OSBPL10: variants seen among roughly 807,000 people sequenced by gnomAD.
OSBPL10 encodes the protein oxysterol-binding protein-related protein 10.
OSBPL10 carries 49 observed loss-of-function variants against 81.7 expected under a neutral mutation model. The ratio of observed to expected loss-of-function variants is 0.60; its 90% CI spans 0.48 to 0.76. OSBPL10 has a LOEUF of 0.76. Ranked by LOEUF, OSBPL10 falls within the 30% of genes least tolerant of loss-of-function variation. OSBPL10 has a pLI of 0.00. For synonymous variants in OSBPL10, 419 were observed against 383.6 expected, an observed-to-expected ratio of 1.09 and a Z score of -1.08; for missense variants, 923 against 987.8, an observed-to-expected ratio of 0.93 and a Z score of 0.88.
At chr3:31,732,746 C>CA (rs150273828) in intron 6 of OSBPL10, 1,955 of 164,478 alleles carry the variant, frequency 0.012, 33 homozygotes, top group East Asian at 0.041. Flanking sequence ...CCTGACGAGG[C>CA]AGTGCATATC....
intron 2 of OSBPL10, among the ~76,000 whole-genome samples, chr3:32,034,615 C>T (rs900391611): frequency 2.0e-5 from 3 of 152,148 alleles, no homozygotes; most frequent in African/African-American, 4.8e-5. Context: ...CATCACAGTG[C>T]TTTCCAAGAA....
At chr3:31,997,783 G>A (rs2125528594) in intron 2 of OSBPL10, among the ~76,000 whole-genome samples, 1 of 151,880 alleles carries the variant, frequency 6.6e-6, no homozygotes. Flanking sequence ...TTTTTGTTTT[G>A]TTTTGTTTTT....
chr3:31,734,607 A>C (rs1353380654), intron 5 of OSBPL10, among the ~76,000 whole-genome samples: 4 of 152,100 alleles, frequency 2.6e-5, no homozygotes, highest in African/African-American at 9.7e-5. Context: ...GTGTGGTGAC[A>C]CAAGCCTGTA....
intron 2 of OSBPL10, chr3:31,988,519 G>A (rs1053538046): frequency 6.5e-6 from 1 of 154,660 alleles, no homozygotes; most frequent in Non-Finnish European, 1.4e-5. Flanking sequence ...GATGAATTTA[G>A]TGACTCACTT....
intron 2 of OSBPL10, among the ~76,000 whole-genome samples, chr3:32,020,731 G>T (rs1179430669): frequency 2.0e-5 from 3 of 151,806 alleles, no homozygotes; most frequent in South Asian, 4.2e-4. Flanking sequence ...AAAAAAAGAA[G>T]ACCTGGGATT....
At chr3:31,783,229 C>T (rs930979271) in intron 4 of OSBPL10, among the ~76,000 whole-genome samples, 2 of 149,620 alleles carry the variant, frequency 1.3e-5, no homozygotes, top group African/African-American at 5.0e-5. Context: ...AGTTGGAGAC[C>T]ATTATTCTAA....
At chr3:31,836,581 T>A (rs949042312) in intron 3 of OSBPL10, among the ~76,000 whole-genome samples, 1 of 136,554 alleles carries the variant, frequency 7.3e-6, no homozygotes, top group African/African-American at 2.7e-5. Flanking sequence ...TGACTCTTCC[T>A]TAACAGTTAA....
At chr3:31,756,222 T>C (rs1321476801) in intron 4 of OSBPL10, among the ~76,000 whole-genome samples, 2 of 152,208 alleles carry the variant, frequency 1.3e-5, no homozygotes, top group African/African-American at 4.8e-5. Context: ...CTTTACACTC[T>C]GACACATGCT....
chr3:32,059,737 G>A (rs559341898), intron 1 of OSBPL10, among the ~76,000 whole-genome samples: 1 of 151,686 alleles, frequency 6.6e-6, no homozygotes, highest in Non-Finnish European at 1.5e-5. Context: ...GGGCAACACA[G>A]TGAGATCCCA....
At chr3:31,947,247 C>T (rs1451197491) in intron 1 of OSBPL10, among the ~76,000 whole-genome samples, 2 of 152,158 alleles carry the variant, frequency 1.3e-5, no homozygotes, top group East Asian at 3.9e-4. Flanking sequence ...AGGATCCCAT[C>T]TGCAGAAGTG....
chr3:31,919,039 G>T (rs190534303), intron 1 of OSBPL10, among the ~76,000 whole-genome samples: 1 of 152,078 alleles, frequency 6.6e-6, no homozygotes, highest in African/African-American at 2.4e-5. Flanking sequence ...CAAACATCCT[G>T]CAACTCCTGA....
chr3:31,882,862 A>G (rs1208870180), intron 1 of OSBPL10, among the ~76,000 whole-genome samples: 1 of 152,236 alleles, frequency 6.6e-6, no homozygotes, highest in Non-Finnish European at 1.5e-5. Flanking sequence ...CTAGCCTTAC[A>G]TTAACAAAGA....
intron 6 of OSBPL10, among the ~76,000 whole-genome samples, chr3:31,719,222 G>A (rs1434570747): frequency 1.3e-5 from 2 of 152,284 alleles, no homozygotes; most frequent in African/African-American, 4.8e-5. Flanking sequence ...GGATCTTCAT[G>A]AGAAAAAATT....
At chr3:31,884,521 T>C (rs1296260599) in intron 1 of OSBPL10, among the ~76,000 whole-genome samples, 1 of 152,228 alleles carries the variant, frequency 6.6e-6, no homozygotes, top group African/African-American at 2.4e-5. Flanking sequence ...ACTGTCCATA[T>C]AGCATTAAGA....
At chr3:31,900,164 C>T (rs1696191522) in intron 1 of OSBPL10, among the ~76,000 whole-genome samples, 1 of 151,626 alleles carries the variant, frequency 6.6e-6, no homozygotes, top group Non-Finnish European at 1.5e-5. Flanking sequence ...GCTGGGACTA[C>T]AGGCACACGC....
chr3:31,812,023 A>AATTT (rs571234550), intron 4 of OSBPL10, among the ~76,000 whole-genome samples: 2 of 152,032 alleles, frequency 1.3e-5, no homozygotes, highest in South Asian at 2.1e-4. Context: ...TTATTTTTTA[A>AATTT]ATTTATTTAT....
At chr3:31,695,044 C>T (rs895538370) in intron 7 of OSBPL10, among the ~76,000 whole-genome samples, 5 of 152,122 alleles carry the variant, frequency 3.3e-5, no homozygotes, top group African/African-American at 1.2e-4. Flanking sequence ...ACAAGCCACC[C>T]GGCCTCAAAG....
At chr3:32,068,102 C>T (rs1469930389) in intron 1 of OSBPL10, among the ~76,000 whole-genome samples, 1 of 152,176 alleles carries the variant, frequency 6.6e-6, no homozygotes, top group Non-Finnish European at 1.5e-5. Context: ...CTTCTCCAGC[C>T]TCTCTCACTC....
intron 2 of OSBPL10, chr3:31,879,412 G>A (rs1008168992): frequency 2.1e-6 from 1 of 475,032 alleles, no homozygotes; most frequent in South Asian, 2.9e-5. Flanking sequence ...AAGGCGCGCT[G>A]CTTTGGGAAT....
Sources: allele counts gnomAD v4.1 joint callset (sites outside exome capture counted in the v4.1 genomes callset), GRCh38; gene constraint gnomAD v4.1.1; transcripts MANE v1.5; gene names NCBI Gene and HGNC (gene_info 2026-07-23, HGNC 2026-07-21).